The following LDB3 variants were observed in gnomAD, a reference collection of about 807,000 sequenced individuals.
The protein encoded by LDB3 is LIM domain-binding protein 3.
Under a neutral mutation model 69.0 loss-of-function variants are expected in LDB3, and 49 were observed. The ratio of observed to expected loss-of-function variants is 0.71; its 90% CI spans 0.56 to 0.90. The LOEUF is 0.90. Ranked by LOEUF, LDB3 falls within the 40% of genes least tolerant of loss-of-function variation. The pLI is 0.00. For missense variants in LDB3, 928 were observed against 974.1 expected, an observed-to-expected ratio of 0.95 and a Z score of 0.63; for synonymous variants, 387 against 396.2, an observed-to-expected ratio of 0.98 and a Z score of 0.28.
chr10:86,703,919 G>A (rs1376864423), intron 7 of LDB3, among the ~76,000 whole-genome samples: 1 of 152,102 alleles, frequency 6.6e-6, no homozygotes. Context: ...TTCGAGACCA[G>A]TCTGGCCAAC....
chr10:86,673,077 C>T (rs1844577193), intron 2 of LDB3, among the ~76,000 whole-genome samples: 1 of 152,240 alleles, frequency 6.6e-6, no homozygotes, highest in Non-Finnish European at 1.5e-5. Flanking sequence ...CTTTGGCACC[C>T]CTTTGGGACC....
rs2132465919 is a variant in LDB3, at chr10:86,709,911, G to A, written c.1092G>A (p.Gln364=). The change falls in exon 9 of 14, where the codon CAG becomes CAA. Residue 364 remains glutamine, a synonymous_variant. Coordinates refer to ENST00000361373, the MANE Select transcript of LDB3 (RefSeq NM_007078.3). ...CCTCCCCGCTTGGTTCCAGGCCCCA[G>A]GCCTCTTCCTACAGCCCCGCAGTGG... The part of the protein sequence containing the change: ...ASSPADSPRP[Q]ASSYSPAVAA... 2 of 1,610,634 alleles carry A rather than the reference G, an allele frequency of 1.2e-6. No individual in the cohort carries two copies. Among genetic ancestry groups the A allele is most frequent in the Non-Finnish European group, 1.7e-6 (2 of 1,179,952 alleles).
chr10:86,705,192 C>T (rs1231278484), intron 7 of LDB3, among the ~76,000 whole-genome samples: 1 of 152,196 alleles, frequency 6.6e-6, no homozygotes, highest in Non-Finnish European at 1.5e-5. Flanking sequence ...CAACATCCCT[C>T]AATCAGATCC....
intron 12 of LDB3, among the ~76,000 whole-genome samples, chr10:86,721,213 C>A (rs903329487): frequency 3.1e-4 from 47 of 152,226 alleles, no homozygotes; most frequent in African/African-American, 1.1e-3. Flanking sequence ...GTTCCAATTT[C>A]TCCGCAGCCT....
rs772318433 is a variant in LDB3 at position 86,692,543 on chromosome 10, C to A, written c.868C>A (p.Pro290Thr). Reference sequence around the variant, plus strand: ...CTCCTTTCTACCAACAGTGCAAGACCCTGATGAAGAAGCTCTGCGAAGGTC... The same window carrying A: ...CTCCTTTCTACCAACAGTGCAAGACACTGATGAAGAAGCTCTGCGAAGGTC... ...QMTGTEFMQD[P>T]DEEALRRSST... The change falls in exon 7 of 14, where the codon CCT becomes ACT. Residue 290 changes from proline (P) to threonine (T), a missense_variant. Transcript: ENST00000361373. The A allele has an allele frequency of 1.2e-6, 2 of 1,614,072 alleles. No individual in the cohort carries two copies. Among genetic ancestry groups the A allele is most frequent in the Non-Finnish European group, 1.7e-6 (2 of 1,179,998 alleles).
At chr10:86,679,242 C>A in intron 2 of LDB3, 125 bp from the exon 3 acceptor site, 1 of 1,160,696 alleles carries the variant, frequency 8.6e-7, no homozygotes, top group South Asian at 1.3e-5. Flanking sequence ...TGGTACTGGC[C>A]GTAGCGAATG....
intron 9 of LDB3, among the ~76,000 whole-genome samples, chr10:86,715,489 C>G (rs1159925650): frequency 6.6e-6 from 1 of 152,176 alleles, no homozygotes; most frequent in African/African-American, 2.4e-5. Context: ...TTTTTCTGCT[C>G]TCAGGGAGCT....
At chr10:86,676,025 AC>A (rs776050193) in intron 2 of LDB3, among the ~76,000 whole-genome samples, 15 of 152,312 alleles carry the variant, frequency 9.8e-5, no homozygotes, top group Non-Finnish European at 2.1e-4. Context: ...AGGCAGCAAT[AC>A]ACTCCTGTCA....
intron 12 of LDB3, among the ~76,000 whole-genome samples, chr10:86,721,665 C>A (rs1424544242): frequency 6.6e-6 from 1 of 152,212 alleles, no homozygotes; most frequent in African/African-American, 2.4e-5. Context: ...GTGGTCCCAA[C>A]ACCAGCAGCA....
At chr10:86,707,175 A>C (rs1213270807) in intron 8 of LDB3, among the ~76,000 whole-genome samples, 1 of 152,096 alleles carries the variant, frequency 6.6e-6, no homozygotes, top group Non-Finnish European at 1.5e-5. Context: ...AGGAGGCAGC[A>C]TTGGAGCTGG....
intron 5 of LDB3, among the ~76,000 whole-genome samples, chr10:86,688,887 A>T (rs749949983): frequency 6.6e-6 from 1 of 152,140 alleles, no homozygotes; most frequent in Non-Finnish European, 1.5e-5. Flanking sequence ...GAATTGATGC[A>T]CTGTTGATTA....
chr10:86,725,133 G>T (rs1241811757), intron 12 of LDB3, among the ~76,000 whole-genome samples: 1 of 152,210 alleles, frequency 6.6e-6, no homozygotes, highest in Non-Finnish European at 1.5e-5. Flanking sequence ...CTTCTCAGGA[G>T]GGATGAAGGC....
intron 13 of LDB3, among the ~76,000 whole-genome samples, chr10:86,731,967 T>A (rs1847475295): frequency 6.6e-6 from 1 of 151,560 alleles, no homozygotes; most frequent in Admixed American, 6.6e-5. Flanking sequence ...GCAGTTTTTC[T>A]TGTAATTTTT....
In LDB3 at chr10:86,706,655, G is replaced by A; in HGVS notation, c.1021G>A (p.Ala341Thr). The A allele has an allele frequency of 6.2e-7, 1 of 1,613,060 alleles. No individual in the cohort carries two copies. Among genetic ancestry groups the A allele is most frequent in the Non-Finnish European group, 8.5e-7 (1 of 1,179,894 alleles). The change falls in exon 8 of 14, where the codon GCC becomes ACC. Residue 341 changes from alanine to threonine, a missense_variant. Transcript: ENST00000361373. ...AASPPLATAAAHTAIASASTT... is the reference protein window; with the variant it reads ...AASPPLATAATHTAIASASTT... Reference sequence around the variant, plus strand: ...TTCGCCACCCCTGGCCACAGCTGCTGCCCACACTGCCATCGCCTCCGCCTC... The same window carrying A: ...TTCGCCACCCCTGGCCACAGCTGCTACCCACACTGCCATCGCCTCCGCCTC...
chr10:86,711,439 G>A (rs935487610), intron 9 of LDB3, among the ~76,000 whole-genome samples: 4 of 152,064 alleles, frequency 2.6e-5, no homozygotes, highest in African/African-American at 9.7e-5. Flanking sequence ...GCGGCCGGGC[G>A]GGCGCGCGCT....
chr10:86,692,901 G>A (rs909955307), intron 7 of LDB3, among the ~76,000 whole-genome samples: 1 of 152,158 alleles, frequency 6.6e-6, no homozygotes, highest in Admixed American at 6.5e-5. Flanking sequence ...GAGGACACCC[G>A]GCTGGCCAAC....
Position 86,716,747 on chromosome 10 carries a change from G to A in LDB3, c.1652G>A (p.Cys551Tyr). Reference protein sequence around the residue: ...RFPASSRTPLCGHCNNVIRGP... With the variant: ...RFPASSRTPLYGHCNNVIRGP... ...CCAGCCAGCAGCCGGACTCCACTCTGCGGTCACTGCAACAATGTCATCCGG... is the reference window on the plus strand; with the variant it reads ...CCAGCCAGCAGCCGGACTCCACTCTACGGTCACTGCAACAATGTCATCCGG... Residue 551 changes from cysteine to tyrosine, a missense_variant, in exon 10 of 14, where the codon TGC becomes TAC. By Grantham distance (194) the Cys-to-Tyr change is radical (BLOSUM62 -2). Coordinates refer to ENST00000361373, the MANE Select transcript of LDB3 (RefSeq NM_007078.3). The A allele has an allele frequency of 6.2e-7, 1 of 1,611,940 alleles. No individual in the cohort carries two copies. Among genetic ancestry groups the A allele is most frequent in the Non-Finnish European group, 8.5e-7 (1 of 1,179,354 alleles).
At chr10:86,671,657 C>T (rs1844482334) in intron 2 of LDB3, among the ~76,000 whole-genome samples, 1 of 152,232 alleles carries the variant, frequency 6.6e-6, no homozygotes. Flanking sequence ...GCCCTGGCAG[C>T]TGGCCAGAGG....
chr10:86,670,701 G>A (rs967237669), intron 2 of LDB3, among the ~76,000 whole-genome samples: 5 of 152,212 alleles, frequency 3.3e-5, no homozygotes, highest in African/African-American at 1.2e-4. Flanking sequence ...CAATGACTGT[G>A]GGGACTTCTA....
Sources: gnomAD v4.1 joint callset for allele counts (sites outside exome capture counted in the v4.1 genomes callset) on GRCh38, gnomAD v4.1.1 for gene constraint, MANE v1.5 for transcripts, NCBI Gene and HGNC (gene_info 2026-07-23, HGNC 2026-07-21) for gene names.